RMDN2: variants seen among roughly 807,000 people sequenced by gnomAD.
RMDN2 encodes the protein regulator of microtubule dynamics protein 2.
A neutral mutation model predicts 52.8 loss-of-function variants in RMDN2; 61 were observed. The ratio of observed to expected loss-of-function variants is 1.16; its 90% CI spans 0.94 to 1.43. RMDN2 has a LOEUF of 1.43. RMDN2 is among the 40% of genes most tolerant of loss of function. The pLI is 0.00. For missense variants in RMDN2, 592 were observed against 475.3 expected, an observed-to-expected ratio of 1.25 and a Z score of -2.28; for synonymous variants, 180 against 153.1, an observed-to-expected ratio of 1.18 and a Z score of -1.30.
rs937546485 is a variant in RMDN2 at position 37,942,590 on chromosome 2, G to C, written c.452+12861G>C. On this transcript the variant is annotated intron_variant, in intron 2 of 10. Coordinates refer to ENST00000354545, the MANE Select transcript of RMDN2 (RefSeq NM_001170791.3). ...TCCCATACAAATTTTTATATTGTCA[G>C]ACTTTTTCATTTTAGCCAACCTGAT... Among the ~76,000 whole-genome samples, 4 of 152,056 alleles carry C rather than the reference G, an allele frequency of 2.6e-5. No homozygotes were observed. The South Asian group carries it at 6.2e-4, about 24-fold the overall frequency.
chr2:38,002,434 G>C (rs545970512), intron 8 of RMDN2, among the ~76,000 whole-genome samples: 1 of 152,260 alleles, frequency 6.6e-6, no homozygotes, highest in South Asian at 2.1e-4. Context: ...AAATGATGAA[G>C]TATATCTATG....
chr2:37,986,573 G>T (rs1466770909), intron 5 of RMDN2, among the ~76,000 whole-genome samples: 1 of 151,926 alleles, frequency 6.6e-6, no homozygotes, highest in African/African-American at 2.4e-5. Context: ...TGTGTAAAAA[G>T]AATTATATAA....
chr2:38,015,120 C>T (rs375872574), intron 10 of RMDN2, among the ~76,000 whole-genome samples: 4 of 152,160 alleles, frequency 2.6e-5, no homozygotes, highest in East Asian at 3.9e-4. Flanking sequence ...TCTGAGCTCC[C>T]GAATGTGGTA....
intron 10 of RMDN2, among the ~76,000 whole-genome samples, chr2:38,006,495 GCTCT>G: frequency 6.6e-6 from 1 of 151,944 alleles, no homozygotes; most frequent in Non-Finnish European, 1.5e-5. Context: ...TCATGATTTG[GCTCT>G]CTGTTTGTCT....
At chr2:38,066,010 C>G (rs184000921) in intron 10 of RMDN2, among the ~76,000 whole-genome samples, 2 of 152,248 alleles carry the variant, frequency 1.3e-5, no homozygotes, top group East Asian at 3.9e-4. Context: ...ACGGACTACC[C>G]TATAAATCCA....
At chr2:37,958,898 A>G (rs887780794) in intron 2 of RMDN2, among the ~76,000 whole-genome samples, 13 of 148,784 alleles carry the variant, frequency 8.7e-5, no homozygotes, top group African/African-American at 7.5e-5. Flanking sequence ...GTGATAATCA[A>G]TAGATCATCT....
At chr2:37,953,846 C>T (rs1669137570) in intron 2 of RMDN2, among the ~76,000 whole-genome samples, 1 of 151,960 alleles carries the variant, frequency 6.6e-6, no homozygotes, top group Non-Finnish European at 1.5e-5. Flanking sequence ...CACTACCTTG[C>T]CAACACTTAT....
intron 2 of RMDN2, among the ~76,000 whole-genome samples, chr2:37,968,145 G>A (rs1270750683): frequency 6.6e-6 from 1 of 152,006 alleles, no homozygotes; most frequent in Admixed American, 6.6e-5. Flanking sequence ...GTTAGGCTAG[G>A]TGCAATGGGT....
intron 7 of RMDN2, 61 bp from the exon 8 acceptor site, chr2:37,997,355 A>C: frequency 5.1e-6 from 5 of 987,760 alleles, no homozygotes; most frequent in African/African-American, 1.6e-5. Flanking sequence ...CTAACTGGGG[A>C]GAGATAATCC....
At chr2:37,995,866 A>G (rs1675465439) in intron 7 of RMDN2, among the ~76,000 whole-genome samples, 1 of 152,224 alleles carries the variant, frequency 6.6e-6, no homozygotes, top group African/African-American at 2.4e-5. Context: ...AGTAGATGCC[A>G]TTTTATTCCT....
chr2:38,045,379 G>T (rs2125293692), intron 10 of RMDN2, among the ~76,000 whole-genome samples: 2 of 152,300 alleles, frequency 1.3e-5, no homozygotes, highest in South Asian at 4.1e-4. Context: ...AGAAGAAACT[G>T]CTGCACAAAT....
chr2:37,990,546 C>T (rs903195284), intron 6 of RMDN2, among the ~76,000 whole-genome samples: 15 of 127,614 alleles, frequency 1.2e-4, no homozygotes, highest in African/African-American at 4.7e-4. Context: ...AAAAAAAAGG[C>T]CTTTTGGTCA....
chr2:38,015,911 C>T (rs1270456542), intron 10 of RMDN2, among the ~76,000 whole-genome samples: 1 of 152,184 alleles, frequency 6.6e-6, no homozygotes, highest in East Asian at 1.9e-4. Context: ...AGTGTGCTAT[C>T]TCAGCTCAAA....
At chr2:38,018,888 A>T (rs186658516), downstream of RMDN2, among the ~76,000 whole-genome samples, 8 of 152,284 alleles carry the variant, frequency 5.3e-5, no homozygotes, top group East Asian at 1.5e-3. Flanking sequence ...ATGCACGCAC[A>T]CGCACACACG....
intron 4 of RMDN2, among the ~76,000 whole-genome samples, chr2:37,980,794 C>CT (rs1205313725): frequency 3.3e-4 from 49 of 146,630 alleles, no homozygotes; most frequent in South Asian, 6.5e-4. Context: ...TCACCTTGGT[C>CT]TTTTTTTTTT....
intron 2 of RMDN2, among the ~76,000 whole-genome samples, chr2:37,960,546 A>G (rs1004879550): frequency 1.3e-5 from 2 of 152,006 alleles, no homozygotes; most frequent in Admixed American, 6.6e-5. Context: ...TTTGCACATG[A>G]TATGGGTCTC....
chr2:37,946,190 C>A (rs753336447), intron 2 of RMDN2, among the ~76,000 whole-genome samples: 9 of 152,090 alleles, frequency 5.9e-5, no homozygotes, highest in Non-Finnish European at 8.8e-5. Context: ...TTCTTTCTTA[C>A]AATTGATGGT....
chr2:37,933,106 G>C (rs1000929206), intron 2 of RMDN2, among the ~76,000 whole-genome samples: 3 of 151,890 alleles, frequency 2.0e-5, no homozygotes, highest in African/African-American at 4.8e-5. Context: ...AGGGCGGCTG[G>C]GCAGAGACGC....
chr2:38,026,141 G>A (rs1050839448), intron 10 of RMDN2, among the ~76,000 whole-genome samples: 13 of 152,046 alleles, frequency 8.6e-5, no homozygotes, highest in Non-Finnish European at 1.5e-4. Context: ...AAGAGATACA[G>A]GGCTATTTAG....
Sources: gnomAD v4.1 joint callset for allele counts (sites outside exome capture counted in the v4.1 genomes callset) on GRCh38, gnomAD v4.1.1 for gene constraint, MANE v1.5 for transcripts, NCBI Gene and HGNC (gene_info 2026-07-23, HGNC 2026-07-21) for gene names.